TAFA4: variants seen among roughly 807,000 people sequenced by gnomAD.
The protein encoded by TAFA4 is chemokine-like protein TAFA-4.
In TAFA4, 20 loss-of-function variants were observed where a neutral mutation model predicts 21.1. That is an observed-to-expected ratio of 0.95 (90% CI 0.67 to 1.38). TAFA4 has a LOEUF of 1.38. Among genes scored for constraint, TAFA4 ranks in the 40% most tolerant of loss-of-function variants. The pLI is 0.00. For missense variants in TAFA4, 211 were observed against 180.9 expected, an observed-to-expected ratio of 1.17 and a Z score of -0.95; for synonymous variants, 71 against 67.4, an observed-to-expected ratio of 1.05 and a Z score of -0.26.
At chr3:68,837,540 T>C (rs1704552280) in intron 3 of TAFA4, among the ~76,000 whole-genome samples, 1 of 152,150 alleles carries the variant, frequency 6.6e-6, no homozygotes, top group Admixed American at 6.5e-5. Flanking sequence ...TTTCTAAAAA[T>C]ATAAACTCCT....
rs1373542097 is a variant in TAFA4 at position 68,810,886 on chromosome 3, C to T, written c.131-57868G>A. 5.9e-5 allele frequency among the ~76,000 whole-genome samples: 9 copies of T among 152,280 alleles called. No homozygotes were observed. In the East Asian group the frequency reaches 1.5e-3, roughly 26 times the overall value. On this transcript the variant is annotated intron_variant, in intron 3 of 5. Coordinates refer to ENST00000295569, the MANE Select transcript of TAFA4 (RefSeq NM_182522.5). ...GACAGACTGCAACCTCAAGTGGGTC[C>T]CTAATCCCCGAGTAGCCTAACTGGG... is the stretch of plus-strand genomic sequence containing the variant.
At chr3:68,892,541 C>T (rs1013741020) in intron 1 of TAFA4, among the ~76,000 whole-genome samples, 10 of 152,222 alleles carry the variant, frequency 6.6e-5, no homozygotes, top group Admixed American at 5.9e-4. Context: ...ACAAGCTATA[C>T]ATGTAACAAA....
intron 3 of TAFA4, among the ~76,000 whole-genome samples, chr3:68,784,934 G>A (rs369009685): frequency 1.2e-4 from 19 of 152,084 alleles, no homozygotes; most frequent in Non-Finnish European, 2.4e-4. Context: ...ACAGAGTGTC[G>A]ATTGGTGCAT....
intron 4 of TAFA4, 150 bp from the exon 5 acceptor site, chr3:68,739,349 C>CCTG: frequency 1.3e-5 from 12 of 932,768 alleles, no homozygotes; most frequent in Admixed American, 5.5e-5. Flanking sequence ...CAGGCATATA[C>CCTG]TCTACAAAAT....
chr3:68,739,565 C>G (rs564623769), intron 4 of TAFA4, among the ~76,000 whole-genome samples: 3 of 152,124 alleles, frequency 2.0e-5, no homozygotes, highest in Non-Finnish European at 4.4e-5. Flanking sequence ...CAAAAAGACA[C>G]CTGCACTCAT....
intron 1 of TAFA4, among the ~76,000 whole-genome samples, chr3:68,927,748 A>C (rs1042407742): frequency 6.6e-6 from 1 of 151,992 alleles, no homozygotes; most frequent in African/African-American, 2.4e-5. Flanking sequence ...AAAATAACAA[A>C]TTAGCTGGGC....
At chr3:68,738,292 A>T (rs1702280342) in intron 5 of TAFA4, among the ~76,000 whole-genome samples, 1 of 152,184 alleles carries the variant, frequency 6.6e-6, no homozygotes, top group South Asian at 2.1e-4. Context: ...TGGTTTGGCC[A>T]TGTTACACAT....
At chr3:68,738,328 C>T (rs564088378) in intron 5 of TAFA4, among the ~76,000 whole-genome samples, 1 of 152,170 alleles carries the variant, frequency 6.6e-6, no homozygotes, top group South Asian at 2.1e-4. Flanking sequence ...GGCTAGTGGA[C>T]CAATCACCAG....
chr3:68,743,181 T>C (rs1280943664), intron 4 of TAFA4, among the ~76,000 whole-genome samples: 1 of 152,188 alleles, frequency 6.6e-6, no homozygotes, highest in African/African-American at 2.4e-5. Context: ...AAATCAGGCA[T>C]TGCCAACACC....
intron 4 of TAFA4, among the ~76,000 whole-genome samples, chr3:68,746,835 T>G (rs982642434): frequency 6.6e-6 from 1 of 152,198 alleles, no homozygotes; most frequent in Admixed American, 6.5e-5. Context: ...ATCCACATAC[T>G]TTGGGAACCT....
intron 1 of TAFA4, among the ~76,000 whole-genome samples, chr3:68,897,298 C>T (rs192929364): frequency 1.3e-5 from 2 of 152,224 alleles, no homozygotes; most frequent in Admixed American, 1.3e-4. Flanking sequence ...TTTCACCATG[C>T]CTTTTATATA....
intron 3 of TAFA4, among the ~76,000 whole-genome samples, chr3:68,877,600 G>T (rs1164215444): frequency 6.6e-6 from 1 of 152,152 alleles, no homozygotes; most frequent in African/African-American, 2.4e-5. Context: ...ACCCTTCTGG[G>T]TCACTCTGTT....
intron 5 of TAFA4, 91 bp downstream of exon 5, chr3:68,738,984 T>C: frequency 6.4e-7 from 1 of 1,552,154 alleles, no homozygotes; most frequent in Non-Finnish European, 8.7e-7. Flanking sequence ...TAACACATAA[T>C]AATGTGTTCT....
In TAFA4 at chr3:68,884,394, G is replaced by C. The variant is rs146452872; in HGVS notation, c.14+781C>G. On this transcript the variant is annotated intron_variant, in intron 2 of 5. Coordinates refer to ENST00000295569, the MANE Select transcript of TAFA4 (RefSeq NM_182522.5). The stretch of plus-strand genomic sequence containing the variant: ...TGGCCATCTCTCCACCATGGCTCCA[G>C]TTCCTGCCAGAAGGGTCCACTGTGG... 7.2e-5 allele frequency among the ~76,000 whole-genome samples: 11 copies of C among 152,326 alleles called. No homozygotes were observed. The East Asian group carries it at 2.1e-3, about 29-fold the overall frequency.
intron 3 of TAFA4, among the ~76,000 whole-genome samples, chr3:68,844,955 G>A (rs745667404): frequency 2.6e-5 from 4 of 152,190 alleles, no homozygotes; most frequent in Non-Finnish European, 5.9e-5. Context: ...ATCAATTTTA[G>A]AATAAGTGCA....
At chr3:68,800,139 A>T (rs1422975605) in intron 3 of TAFA4, among the ~76,000 whole-genome samples, 1 of 152,200 alleles carries the variant, frequency 6.6e-6, no homozygotes, top group Non-Finnish European at 1.5e-5. Context: ...TTACAACATA[A>T]TAACAGAAAT....
chr3:68,808,753 G>A (rs1433326253), intron 3 of TAFA4, among the ~76,000 whole-genome samples: 3 of 152,180 alleles, frequency 2.0e-5, no homozygotes, highest in African/African-American at 7.2e-5. Context: ...AATAGGTTAA[G>A]TTACACTGCA....
rs1504301 is a variant in TAFA4, at chr3:68,739,212, G to T, written c.287-13C>A. On this transcript the variant is annotated splice_polypyrimidine_tract_variant and intron_variant, in intron 4 of 5. Transcript: ENST00000295569. ...ATCACAATGGAAGCTGGAAAACAAA[G>T]GCCAAATAATATTTGTGACACTGTT... is the stretch of plus-strand genomic sequence containing the variant. 1,032,362 of 1,612,620 alleles carry T rather than the reference G, an allele frequency of 0.64. 335,707 individuals are homozygous for T. Among genetic ancestry groups the T allele is most frequent in the East Asian group, 0.91 (40,968 of 44,844 alleles).
chr3:68,927,444 T>C (rs1231745000), intron 1 of TAFA4, among the ~76,000 whole-genome samples: 1 of 152,228 alleles, frequency 6.6e-6, no homozygotes, highest in Admixed American at 6.5e-5. Flanking sequence ...TTTTGACAGC[T>C]CCGCCTTTTG....
Sources: allele counts gnomAD v4.1 joint callset (sites outside exome capture counted in the v4.1 genomes callset), GRCh38; gene constraint gnomAD v4.1.1; transcripts MANE v1.5; gene names NCBI Gene and HGNC (gene_info 2026-07-23, HGNC 2026-07-21).